POP4: variants seen among roughly 807,000 people sequenced by gnomAD.
The protein encoded by POP4 is POP4 ribonuclease P/MRP subunit, also known as ribonuclease P protein subunit p29.
A neutral mutation model predicts 29.9 loss-of-function variants in POP4; 31 were observed. That is an observed-to-expected ratio of 1.04 (90% CI 0.78 to 1.40). The LOEUF is 1.40. POP4 is among the 40% of genes most tolerant of loss of function. POP4 has a pLI of 0.00. For synonymous variants in POP4, 110 were observed against 108.2 expected, an observed-to-expected ratio of 1.02 and a Z score of -0.10; for missense variants, 286 against 282.7, an observed-to-expected ratio of 1.01 and a Z score of -0.08.
chr19:29,606,505 C>A, intron 1 of POP4, 180 bp downstream of exon 1: 1 of 638,102 alleles, frequency 1.6e-6, no homozygotes, highest in Non-Finnish European at 2.5e-6. Context: ...CCTGGCTCGA[C>A]CTCTGAGCTA....
chr19:29,613,929 A>C lies in POP4; in HGVS notation c.483A>C (p.Thr161=). The part of the protein sequence containing the change: ...VGITGILLQE[T]KHIFKIITKE... Reference sequence around the variant, plus strand: ...TTACAGGAATCCTTCTACAGGAAACAAAGCACATTTTCAAAATTATCACCA... The same window carrying C: ...TTACAGGAATCCTTCTACAGGAAACCAAGCACATTTTCAAAATTATCACCA... Residue 161 remains threonine (T), a synonymous_variant, in exon 6 of 7, where the codon ACA becomes ACC. Coordinates refer to ENST00000585603, the MANE Select transcript of POP4 (RefSeq NM_006627.3). 6.2e-7 allele frequency: 1 copy of C among 1,613,856 alleles called. No individual in the cohort carries two copies. Among genetic ancestry groups the C allele is most frequent in the South Asian group, 1.1e-5 (1 of 91,042 alleles).
Position 29,613,935 on chromosome 19 carries a change from C to G in POP4, c.489C>G (p.His163Gln). ...GAATCCTTCTACAGGAAACAAAGCACATTTTCAAAATTATCACCAAAGAAG... is the reference window on the plus strand; with the variant it reads ...GAATCCTTCTACAGGAAACAAAGCAGATTTTCAAAATTATCACCAAAGAAG... ...ITGILLQETK[H>Q]IFKIITKEDR... The change falls in exon 6 of 7, where the codon CAC becomes CAG. Residue 163 changes from histidine to glutamine, a missense_variant. Physicochemically the swap from His to Gln is conservative, Grantham distance 24. Transcript: ENST00000585603. 6.2e-7 allele frequency: 1 copy of G among 1,613,874 alleles called. No homozygotes were observed. The highest frequency in any genetic ancestry group is 1.1e-5 in the South Asian group (1 of 91,050).
chr19:29,610,257 A>C (rs1971047873), intron 2 of POP4, 152 bp from the exon 3 acceptor site: 1 of 655,220 alleles, frequency 1.5e-6, no homozygotes, highest in African/African-American at 1.8e-5. Context: ...TAGCAGATGC[A>C]TGGCGGATGA....
chr19:29,615,471 A>G lies in POP4; in HGVS notation c.*91A>G. 7.0e-7 allele frequency: 1 copy of G among 1,434,630 alleles called. No homozygotes were observed. Among genetic ancestry groups the G allele is most frequent in the Non-Finnish European group, 9.5e-7 (1 of 1,052,532 alleles). The allele number at this position is 1,434,630 out of a possible 1,614,324, so 88.9% of individuals were successfully genotyped here. A position where few individuals can be genotyped will look rare whatever the true frequency, so the allele number is the denominator to read the frequency against. On this transcript the variant is annotated 3_prime_UTR_variant, in exon 7 of 7. Coordinates refer to ENST00000585603, the MANE Select transcript of POP4 (RefSeq NM_006627.3). The stretch of plus-strand genomic sequence containing the variant: ...TTTCAGTGAAGAGATAGTTAAGCCA[A>G]TTCCATTTATAGACCACCTCCAGCC...
At position 29,608,895 on chromosome 19, in the gene POP4, T is replaced by C. The variant is rs1269676013; in HGVS notation, c.60+186T>C. On this transcript the variant is annotated intron_variant, in intron 2 of 6. Transcript: ENST00000585603. ...ACCTGTTCCCACGTGCCAGCCTCCT[T>C]TTCTGTTGTGCCAAAGTCAAGTTTG... 5.3e-6 allele frequency: 3 copies of C among 561,380 alleles called. No homozygotes were observed. The Admixed American group carries it at 1.0e-4, about 19-fold the overall frequency. 34.8% of individuals were successfully genotyped at this position (561,380 alleles called of 1,614,324 possible). A position where few individuals can be genotyped will look rare whatever the true frequency, so the allele number is the denominator to read the frequency against.
At chr19:29,614,024 T>A (rs147075206) in intron 6 of POP4, 52 bp downstream of exon 6, 1 of 1,574,596 alleles carries the variant, frequency 6.4e-7, no homozygotes, top group East Asian at 2.2e-5. Context: ...TCCCAGCTAC[T>A]GCGTTAGCCT....
At position 29,615,633 on chromosome 19, in the gene POP4, G is replaced by A; in HGVS notation, c.*253G>A. On this transcript the variant is annotated 3_prime_UTR_variant, in exon 7 of 7. Transcript: ENST00000585603. Reference sequence around the variant, plus strand: ...GACTCCCATGGGGAGGAACAGACTGGCAGGAAGCACACCGGGGTTAACACT... The same window carrying A: ...GACTCCCATGGGGAGGAACAGACTGACAGGAAGCACACCGGGGTTAACACT... The A allele has an allele frequency of 2.4e-6, 1 of 419,572 alleles. No individual in the cohort carries two copies. The allele number at this position is 419,572 out of a possible 1,614,324, so 26.0% of individuals were successfully genotyped here. A position where few individuals can be genotyped will look rare whatever the true frequency, so the allele number is the denominator to read the frequency against.
At chr19:29,610,248 A>C (rs1971047794) in intron 2 of POP4, 161 bp from the exon 3 acceptor site, 1 of 626,278 alleles carries the variant, frequency 1.6e-6, no homozygotes, top group Non-Finnish European at 2.8e-6. Flanking sequence ...AGCTGTGGGT[A>C]GCAGATGCAT....
chr19:29,607,573 T>G (rs1223216414), intron 1 of POP4, among the ~76,000 whole-genome samples: 1 of 152,254 alleles, frequency 6.6e-6, no homozygotes, highest in African/African-American at 2.4e-5. Flanking sequence ...TTTCTAGCTA[T>G]TTAGCTCATA....
intron 6 of POP4, among the ~76,000 whole-genome samples, chr19:29,615,002 T>C (rs947553016): frequency 2.6e-5 from 4 of 152,154 alleles, no homozygotes; most frequent in Non-Finnish European, 5.9e-5. Flanking sequence ...TCTGGGAATT[T>C]GGTGTATAGC....
rs762896788 is a variant in POP4 at position 29,615,750 on chromosome 19, C to A, written c.*370C>A. The stretch of plus-strand genomic sequence containing the variant: ...TAAATCAGTTGCATCTGTGATAATA[C>A]AGTACATATGTGGACATAAACAGGG... On this transcript the variant is annotated 3_prime_UTR_variant, in exon 7 of 7. Transcript: ENST00000585603. 2 of 177,454 alleles carry A rather than the reference C, an allele frequency of 1.1e-5. No individual in the cohort carries two copies. The highest frequency in any genetic ancestry group is 1.5e-4 in the South Asian group (1 of 6,702). The allele number at this position is 177,454 out of a possible 1,614,324, so 11.0% of individuals were successfully genotyped here.
Position 29,613,883 on chromosome 19 carries a change from A to G in POP4, c.437A>G (p.Lys146Arg), listed in dbSNP as rs1971100700. 6.2e-7 allele frequency: 1 copy of G among 1,612,700 alleles called. No individual in the cohort carries two copies. Among genetic ancestry groups the G allele is most frequent in the Non-Finnish European group, 8.5e-7 (1 of 1,179,518 alleles). ...HGAIISVTKS[K>R]CPSYVGITGI... ...TTTTTCTTTGCAGTGACAAAATCCA[A>G]ATGCCCCTCTTATGTGGGTATTACA... The change falls in exon 6 of 7, where the codon AAA becomes AGA. Residue 146 changes from lysine to arginine, a missense_variant. By Grantham distance (26) the Lys-to-Arg change is conservative. Coordinates refer to ENST00000585603, the MANE Select transcript of POP4 (RefSeq NM_006627.3).
Position 29,613,950 on chromosome 19 carries a change from C to T in POP4, c.504C>T (p.Ile168=). Residue 168 remains isoleucine (I), a synonymous_variant, in exon 6 of 7, where the codon ATC becomes ATT. Coordinates refer to ENST00000585603, the MANE Select transcript of POP4 (RefSeq NM_006627.3). The part of the protein sequence containing the change: ...LQETKHIFKI[I]TKEDRLKVIP... ...AAACAAAGCACATTTTCAAAATTAT[C>T]ACCAAAGAAGACCGCCTGAAAGGTA... 1 of 1,613,818 alleles carries T rather than the reference C, an allele frequency of 6.2e-7. No homozygotes were observed. Among genetic ancestry groups the T allele is most frequent in the Admixed American group, 1.7e-5 (1 of 59,928 alleles).
intron 3 of POP4, chr19:29,611,583 G>A (rs538882902): frequency 5.6e-6 from 2 of 354,414 alleles, no homozygotes; most frequent in East Asian, 1.2e-4. Context: ...AATAACAGTA[G>A]CTTCAACAAG....
intron 1 of POP4, among the ~76,000 whole-genome samples, chr19:29,607,461 AAAC>A (rs1971012229): frequency 2.5e-5 from 1 of 39,586 alleles, no homozygotes; most frequent in South Asian, 7.7e-4. Flanking sequence ...ACAAACAAAC[AAAC>A]AACAAAAAAA....
intron 2 of POP4, among the ~76,000 whole-genome samples, chr19:29,610,008 C>G (rs1256773229): frequency 6.6e-6 from 1 of 152,250 alleles, no homozygotes; most frequent in Non-Finnish European, 1.5e-5. Context: ...CTTAGTGCTA[C>G]TCTGAGCTCA....
chr19:29,609,828 G>A (rs77640508), intron 2 of POP4, among the ~76,000 whole-genome samples: 5,072 of 152,220 alleles, frequency 0.033, 166 homozygotes, highest in South Asian at 0.09. Flanking sequence ...TCTGCGGGGC[G>A]GGAGCGGACC....
In POP4 at chr19:29,610,556, A is replaced by G; in HGVS notation, c.208A>G (p.Lys70Glu). The change falls in exon 3 of 7, where the codon AAG becomes GAG. Residue 70 changes from lysine to glutamate, a missense_variant. Coordinates refer to ENST00000585603, the MANE Select transcript of POP4 (RefSeq NM_006627.3). ...YFTRHKRKEK[K>E]KKAKGLSARQ... Reference sequence around the variant, plus strand: ...CACCCGCCACAAGCGCAAGGAGAAGAAGAAGAAAGCCAAAGGCCTCTCTGC... The same window carrying G: ...CACCCGCCACAAGCGCAAGGAGAAGGAGAAGAAAGCCAAAGGCCTCTCTGC... The G allele has an allele frequency of 1.9e-6, 3 of 1,614,214 alleles. No individual in the cohort carries two copies. The highest frequency in any genetic ancestry group is 2.5e-6 in the Non-Finnish European group (3 of 1,180,042).
intron 1 of POP4, among the ~76,000 whole-genome samples, chr19:29,607,802 T>G (rs1971017681): frequency 6.6e-6 from 1 of 152,260 alleles, no homozygotes; most frequent in Non-Finnish European, 1.5e-5. Context: ...AATTTCATAT[T>G]AAAATGTGAA....
Sources: allele counts gnomAD v4.1 joint callset (sites outside exome capture counted in the v4.1 genomes callset), GRCh38; gene constraint gnomAD v4.1.1; transcripts MANE v1.5; gene names NCBI Gene and HGNC (gene_info 2026-07-23, HGNC 2026-07-21).